The following TEAD1 variants were observed in gnomAD, a reference collection of about 807,000 sequenced individuals.
The protein encoded by TEAD1 is TEA domain transcription factor 1, also known as transcriptional enhancer factor TEF-1.
TEAD1 carries 9 observed loss-of-function variants against 54.9 expected under a neutral mutation model. The ratio of observed to expected loss-of-function variants is 0.16; its 90% CI spans 0.10 to 0.29. TEAD1 has a LOEUF of 0.29. TEAD1 is among the 10% of genes least tolerant of loss of function. The pLI is 1.00. For synonymous variants in TEAD1, 200 were observed against 187.8 expected, an observed-to-expected ratio of 1.07 and a Z score of -0.53; for missense variants, 387 against 535.9, an observed-to-expected ratio of 0.72 and a Z score of 2.74.
At chr11:12,832,531 TAACTA>T (rs1946804314) in intron 3 of TEAD1, among the ~76,000 whole-genome samples, 1 of 152,238 alleles carries the variant, frequency 6.6e-6, no homozygotes, top group African/African-American at 2.4e-5. Flanking sequence ...TAATCATTAA[TAACTA>T]TACTGTTGTC....
At chr11:12,794,673 C>A (rs933370090) in intron 3 of TEAD1, among the ~76,000 whole-genome samples, 2 of 152,162 alleles carry the variant, frequency 1.3e-5, no homozygotes, top group African/African-American at 4.8e-5. Context: ...TGTGGCGAGC[C>A]GGGCCTGTAA....
intron 2 of TEAD1, among the ~76,000 whole-genome samples, chr11:12,743,947 T>C (rs1944696111): frequency 6.6e-6 from 1 of 152,184 alleles, no homozygotes; most frequent in African/African-American, 2.4e-5. Context: ...CACGCTGTTA[T>C]GGAAGTATTT....
chr11:12,703,665 A>G (rs1448112218), intron 2 of TEAD1, among the ~76,000 whole-genome samples: 3 of 152,068 alleles, frequency 2.0e-5, no homozygotes, highest in Non-Finnish European at 2.9e-5. Context: ...GCACATCTTT[A>G]TATTCTCAGT....
chr11:12,815,514 A>G (rs1423732036), intron 3 of TEAD1, among the ~76,000 whole-genome samples: 2 of 152,222 alleles, frequency 1.3e-5, no homozygotes, highest in Non-Finnish European at 2.9e-5. Context: ...TGCAAAACAC[A>G]GTGTGTAACC....
chr11:12,856,874 C>T (rs1318402133), intron 3 of TEAD1, among the ~76,000 whole-genome samples: 1 of 152,148 alleles, frequency 6.6e-6, no homozygotes, highest in Non-Finnish European at 1.5e-5. Context: ...TTTGTTGCTT[C>T]TTTCTTGGTG....
chr11:12,698,795 C>T (rs1000110486), intron 2 of TEAD1, among the ~76,000 whole-genome samples: 9 of 152,086 alleles, frequency 5.9e-5, no homozygotes, highest in South Asian at 4.1e-4. Context: ...TTAGGGCATG[C>T]GCATTAAGTT....
At chr11:12,892,415 G>A (rs532799895) in intron 9 of TEAD1, among the ~76,000 whole-genome samples, 86 of 152,238 alleles carry the variant, frequency 5.6e-4, no homozygotes, top group South Asian at 1.2e-3. Flanking sequence ...CAAGCAAGGC[G>A]TGTGGGTCAC....
At chr11:12,760,100 C>T (rs1945071173) in intron 2 of TEAD1, among the ~76,000 whole-genome samples, 2 of 152,244 alleles carry the variant, frequency 1.3e-5, no homozygotes, top group South Asian at 4.2e-4. Flanking sequence ...AATCAGTTTC[C>T]CAAAGTAAAC....
chr11:12,905,406 G>A (rs1357948948), intron 10 of TEAD1, among the ~76,000 whole-genome samples: 2 of 152,136 alleles, frequency 1.3e-5, no homozygotes, highest in Non-Finnish European at 2.9e-5. Flanking sequence ...GAATTAAAAT[G>A]GAGAACTTCC....
chr11:12,906,741 A>G lies in TEAD1; in HGVS notation c.873+4628A>G, dbSNP rs138735231. Among the ~76,000 whole-genome samples, 890 of 152,160 alleles carry G rather than the reference A, an allele frequency of 5.8e-3. 7 individuals carry two copies. The highest frequency in any genetic ancestry group is 0.021 in the South Asian group (101 of 4,820). ...GTGGATCTACTTTCTGTCTGGATCA[A>G]TTTGCCTGTTCTAGACATTTCATAT... On this transcript the variant is annotated intron_variant, in intron 10 of 12. Coordinates refer to ENST00000527636, the MANE Select transcript of TEAD1 (RefSeq NM_021961.6).
rs187190056 is a variant in TEAD1 at position 12,932,691 on chromosome 11, T to C, written c.1167+2365T>C. 7.9e-5 allele frequency among the ~76,000 whole-genome samples: 12 copies of C among 152,252 alleles called. No homozygotes were observed. In the East Asian group the frequency reaches 2.3e-3, roughly 29 times the overall value. On this transcript the variant is annotated intron_variant, in intron 12 of 12. Coordinates refer to ENST00000527636, the MANE Select transcript of TEAD1 (RefSeq NM_021961.6). ...ACCTAGTGATGATGCAACTATTATATAATACAGCATAATTATTTTTAAAAA... is the reference window on the plus strand; with the variant it reads ...ACCTAGTGATGATGCAACTATTATACAATACAGCATAATTATTTTTAAAAA...
At chr11:12,821,715 A>T (rs553738599) in intron 3 of TEAD1, among the ~76,000 whole-genome samples, 2 of 152,292 alleles carry the variant, frequency 1.3e-5, no homozygotes, top group African/African-American at 4.8e-5. Context: ...AATTTCATGT[A>T]TTTGTAAACT....
At chr11:12,791,662 G>A (rs1395470064) in intron 3 of TEAD1, among the ~76,000 whole-genome samples, 1 of 152,186 alleles carries the variant, frequency 6.6e-6, no homozygotes, top group African/African-American at 2.4e-5. Flanking sequence ...GTATCATGGA[G>A]AGAACTTTTT....
intron 10 of TEAD1, among the ~76,000 whole-genome samples, chr11:12,916,422 G>A (rs1948713555): frequency 6.6e-6 from 1 of 152,142 alleles, no homozygotes; most frequent in Admixed American, 6.5e-5. Flanking sequence ...AGGTGTCAGT[G>A]TCTCTAGATG....
intron 3 of TEAD1, among the ~76,000 whole-genome samples, chr11:12,783,563 A>G (rs1489973645): frequency 6.6e-6 from 1 of 151,994 alleles, no homozygotes; most frequent in African/African-American, 2.4e-5. Context: ...AAACCTGGTG[A>G]GTTGCTTCTC....
At chr11:12,878,032 C>T (rs1237634685) in intron 5 of TEAD1, among the ~76,000 whole-genome samples, 1 of 151,974 alleles carries the variant, frequency 6.6e-6, no homozygotes, top group Non-Finnish European at 1.5e-5. Flanking sequence ...GTCTTGAACT[C>T]CTGGGCCCAA....
intron 3 of TEAD1, among the ~76,000 whole-genome samples, chr11:12,774,439 T>G (rs1284226839): frequency 6.6e-6 from 1 of 152,098 alleles, no homozygotes; most frequent in African/African-American, 2.4e-5. Flanking sequence ...TGGATATGCA[T>G]GGAAAGATGT....
rs186888996 is a variant in TEAD1, at chr11:12,795,795, A to G, written c.202+31361A>G. 2.6e-5 allele frequency among the ~76,000 whole-genome samples: 4 copies of G among 152,322 alleles called. No homozygotes were observed. In the East Asian group the frequency reaches 7.7e-4, roughly 29 times the overall value. ...GTTTGATGAAGCACCTGAATCGGGTATACGCTGCTTCTCAGTCCTGATTGC... is the reference window on the plus strand; with the variant it reads ...GTTTGATGAAGCACCTGAATCGGGTGTACGCTGCTTCTCAGTCCTGATTGC... On this transcript the variant is annotated intron_variant, in intron 3 of 12. Coordinates refer to ENST00000527636, the MANE Select transcript of TEAD1 (RefSeq NM_021961.6).
chr11:12,681,092 A>G (rs915476497), intron 2 of TEAD1, among the ~76,000 whole-genome samples: 7 of 152,160 alleles, frequency 4.6e-5, no homozygotes, highest in Non-Finnish European at 8.8e-5. Context: ...TTGAGAGACA[A>G]TGCTGGTTAG....
Sources: gnomAD v4.1 joint callset for allele counts (sites outside exome capture counted in the v4.1 genomes callset) on GRCh38, gnomAD v4.1.1 for gene constraint, MANE v1.5 for transcripts, NCBI Gene and HGNC (gene_info 2026-07-23, HGNC 2026-07-21) for gene names.